TTLL4: variants seen among roughly 807,000 people sequenced by gnomAD.
The protein encoded by TTLL4 is tubulin tyrosine ligase like 4, also known as tubulin monoglutamylase TTLL4.
Under a neutral mutation model 122.7 loss-of-function variants are expected in TTLL4, and 85 were observed. The observed-to-expected ratio is 0.69, with a 90% CI of 0.58 to 0.83. TTLL4 has a LOEUF of 0.83. TTLL4 is among the 40% of genes least tolerant of loss of function. The pLI, the probability that TTLL4 is intolerant of heterozygous loss-of-function variation, is 0.00. For missense variants in TTLL4, 1,363 were observed against 1,488.6 expected (o/e 0.92, Z 1.39); for synonymous variants, 553 against 563.0 (o/e 0.98, Z 0.25).
intron 2 of TTLL4, among the ~76,000 whole-genome samples, chr2:218,729,836 G>A (rs563948884): frequency 6.6e-6 from 1 of 150,514 alleles, no homozygotes; most frequent in African/African-American, 2.4e-5. Flanking sequence ...GCACATTGCA[G>A]CTTCGACCTC....
At position 218,745,995 on chromosome 2, in the gene TTLL4, A is replaced by T. The variant is rs142558929; in HGVS notation, c.1898-160A>T. On this transcript the variant is annotated intron_variant, in intron 7 of 19. Coordinates refer to ENST00000392102, the MANE Select transcript of TTLL4 (RefSeq NM_014640.5). ...GTTCAGAATTGAGAGACAGAGGGCC[A>T]TTGTTCTGTCCCTGGCCCCAGGGCC... 4.6e-4 allele frequency: 419 copies of T among 909,424 alleles called. No individual in the cohort carries two copies. The East Asian group carries it at 8.9e-3, about 19-fold the overall frequency. The allele number at this position is 909,424 out of a possible 1,614,324, so 56.3% of individuals were successfully genotyped here.
chr2:218,744,256 TTAA>T (rs1249655781), intron 5 of TTLL4, among the ~76,000 whole-genome samples: 1 of 152,206 alleles, frequency 6.6e-6, no homozygotes, highest in African/African-American at 2.4e-5. Flanking sequence ...AAACTAAAAA[TTAA>T]TGTTATAATA....
At chr2:218,739,641 A>G (rs1036497738) in intron 3 of TTLL4, among the ~76,000 whole-genome samples, 1 of 152,252 alleles carries the variant, frequency 6.6e-6, no homozygotes, top group African/African-American at 2.4e-5. Flanking sequence ...AGCCATTTAT[A>G]GTTAGGGCAC....
chr2:218,749,967 C>G (rs367862394), intron 14 of TTLL4, 42 bp from the exon 15 acceptor site: 4 of 1,605,706 alleles, frequency 2.5e-6, no homozygotes, highest in Non-Finnish European at 2.6e-6. Context: ...GAGACTGTTT[C>G]GGAGTGCTGC....
chr2:218,722,810 A>T (rs1355680325), intron 1 of TTLL4, among the ~76,000 whole-genome samples: 2 of 152,256 alleles, frequency 1.3e-5, no homozygotes, highest in African/African-American at 4.8e-5. Context: ...GACAGTGGAA[A>T]TGGGGAAGAA....
chr2:218,758,388 G>T (rs943093408), downstream of TTLL4, among the ~76,000 whole-genome samples: 1 of 152,164 alleles, frequency 6.6e-6, no homozygotes. Flanking sequence ...CTAACAAGGT[G>T]CCTGATAATA....
intron 2 of TTLL4, chr2:218,728,147 G>C (rs1942249341): frequency 7.6e-6 from 1 of 132,084 alleles, no homozygotes; most frequent in African/African-American, 2.8e-5. Context: ...TTTTTCCACT[G>C]ACTGGGGTGG....
rs1200518322 is a variant in TTLL4, at chr2:218,720,672, C to T, written c.-177-6597C>T. Among the ~76,000 whole-genome samples the T allele has an allele frequency of 1.6e-4, 23 of 142,886 alleles. No homozygotes were observed. The Admixed American group carries it at 1.6e-3, about 10-fold the overall frequency. 93.7% of individuals were successfully genotyped at this position (142,886 alleles called of 152,430 possible). ...CTGGGCAACACAGTGAGACTCCGGT[C>T]TCAAAAAAAAAAAAAAAAAGAAAGA... On this transcript the variant is annotated intron_variant, in intron 1 of 19. Transcript: ENST00000392102.
At chr2:218,758,215 ATC>A (rs1178831732), downstream of TTLL4, among the ~76,000 whole-genome samples, 1 of 152,236 alleles carries the variant, frequency 6.6e-6, no homozygotes, top group Non-Finnish European at 1.5e-5. Context: ...TCTAAAACCC[ATC>A]TGTGTCATAA....
At chr2:218,756,385 T>C (rs1051160569), downstream of TTLL4, among the ~76,000 whole-genome samples, 7 of 152,292 alleles carry the variant, frequency 4.6e-5, no homozygotes, top group Admixed American at 2.6e-4. Context: ...ATTAAGTCCT[T>C]GTGAGCAATG....
At chr2:218,752,256 C>T (rs1422254709) in intron 16 of TTLL4, among the ~76,000 whole-genome samples, 1 of 152,142 alleles carries the variant, frequency 6.6e-6, no homozygotes, top group Non-Finnish European at 1.5e-5. Context: ...GGCCTGTGAT[C>T]CTCTGATGCA....
chr2:218,752,703 GTC>G, intron 16 of TTLL4, 58 bp from the exon 17 acceptor site: 1 of 1,588,710 alleles, frequency 6.3e-7, no homozygotes, highest in South Asian at 1.1e-5. Flanking sequence ...AGCTTCTTGA[GTC>G]TCTGCCCCTG....
At chr2:218,718,569 G>T (rs1941937241) in intron 1 of TTLL4, among the ~76,000 whole-genome samples, 1 of 151,974 alleles carries the variant, frequency 6.6e-6, no homozygotes, top group South Asian at 2.1e-4. Context: ...GTAGAAATGG[G>T]GTTTCTCCAT....
rs752465651 is a variant in TTLL4 at position 218,753,637 on chromosome 2, T to C, written c.3312T>C (p.Asn1104=). 5.0e-6 allele frequency: 8 copies of C among 1,614,056 alleles called. No individual in the cohort carries two copies. Among genetic ancestry groups the C allele is most frequent in the East Asian group, 2.2e-5 (1 of 44,890 alleles). ...TCTCAAAGGATGACGTGATACTCAATGCCTTCAGCAAATCAGAGACTAGCA... is the reference window on the plus strand; with the variant it reads ...TCTCAAAGGATGACGTGATACTCAACGCCTTCAGCAAATCAGAGACTAGCA... ...LTISKDDVIL[N]AFSKSETSKL... Residue 1104 remains asparagine, a synonymous_variant, in exon 19 of 20, where the codon AAT becomes AAC. Coordinates refer to ENST00000392102, the MANE Select transcript of TTLL4 (RefSeq NM_014640.5).
intron 1 of TTLL4, among the ~76,000 whole-genome samples, chr2:218,712,906 A>G (rs1941754454): frequency 6.6e-6 from 1 of 152,234 alleles, no homozygotes; most frequent in African/African-American, 2.4e-5. Flanking sequence ...CCAATACACA[A>G]TCCCATTCGT....
intron 2 of TTLL4, among the ~76,000 whole-genome samples, chr2:218,729,245 C>G (rs1462989534): frequency 6.6e-6 from 1 of 151,992 alleles, no homozygotes; most frequent in Admixed American, 6.6e-5. Context: ...GGTTGTCTAT[C>G]TTGATATCAC....
intron 5 of TTLL4, among the ~76,000 whole-genome samples, chr2:218,740,955 C>G (rs1575175516): frequency 6.6e-6 from 1 of 152,252 alleles, no homozygotes; most frequent in Non-Finnish European, 1.5e-5. Flanking sequence ...CACCTGTAAT[C>G]CCAGCTGCTC....
At position 218,745,162 on chromosome 2, in the gene TTLL4, G is replaced by A. The variant is rs779964102; in HGVS notation, c.1715G>A (p.Arg572Gln). 21 of 1,613,854 alleles carry A rather than the reference G, an allele frequency of 1.3e-5. No homozygotes were observed. The highest frequency in any genetic ancestry group is 1.2e-4 in the African/African-American group (9 of 74,844). Reference protein sequence around the residue: ...KPLSNHEKVVRPALIYSLFPN... With the variant: ...KPLSNHEKVVQPALIYSLFPN... ...CTTTCCAATCATGAGAAAGTTGTCC[G>A]ACCAGCCCTCATCTACAGTCTCTTT... is the stretch of plus-strand genomic sequence containing the variant. Residue 572 changes from arginine to glutamine, a missense_variant, in exon 6 of 20, where the codon CGA becomes CAA. Transcript: ENST00000392102.
At chr2:218,726,884 A>C (rs111363149) in intron 1 of TTLL4, among the ~76,000 whole-genome samples, 1 of 151,994 alleles carries the variant, frequency 6.6e-6, no homozygotes, top group Non-Finnish European at 1.5e-5. Context: ...AGCTCACTGC[A>C]ACCTTTGCCT....
Sources: allele counts gnomAD v4.1 joint callset (sites outside exome capture counted in the v4.1 genomes callset), GRCh38; gene constraint gnomAD v4.1.1; transcripts MANE v1.5; gene names NCBI Gene and HGNC (gene_info 2026-07-23, HGNC 2026-07-21).